DAGLB: variants seen among roughly 807,000 people sequenced by gnomAD.
The protein encoded by DAGLB is diacylglycerol lipase beta, also known as diacylglycerol lipase-beta.
A neutral mutation model predicts 72.1 loss-of-function variants in DAGLB; 66 were observed. The ratio of observed to expected loss-of-function variants is 0.92; its 90% CI spans 0.75 to 1.12. DAGLB has a LOEUF of 1.12. Ranked by LOEUF, DAGLB falls within the 50% of genes most tolerant of loss-of-function variation. The probability of loss-of-function intolerance (pLI) is 0.00; values close to 1 mark genes in which losing one functional copy is unlikely to be tolerated. For synonymous variants in DAGLB, 414 were observed against 359.5 expected, an observed-to-expected ratio of 1.15 and a Z score of -1.71; for missense variants, 1,065 against 884.9, an observed-to-expected ratio of 1.20 and a Z score of -2.58.
At chr7:6,433,009 C>G (rs777905146) in intron 4 of DAGLB, 50 bp from the exon 5 acceptor site, 4 of 1,586,184 alleles carry the variant, frequency 2.5e-6, no homozygotes, top group Non-Finnish European at 3.4e-6. Context: ...AGGCACCACC[C>G]CCGGGTTCCC....
intron 2 of DAGLB, among the ~76,000 whole-genome samples, chr7:6,443,212 A>C (rs911247316): frequency 1.3e-5 from 2 of 149,078 alleles, no homozygotes; most frequent in Non-Finnish European, 3.0e-5. Context: ...AAAAACAAAA[A>C]AAACAAAACA....
At chr7:6,414,484 TG>T (rs1269052199) in intron 11 of DAGLB, among the ~76,000 whole-genome samples, 1 of 151,428 alleles carries the variant, frequency 6.6e-6, no homozygotes, top group African/African-American at 2.4e-5. Context: ...AGCTAATTTT[TG>T]TAAGGAACCG....
Position 6,410,185 on chromosome 7 carries a change from G to A in DAGLB, c.1765C>T (p.Pro589Ser), listed in dbSNP as rs149455276. ...SPLDSSPKYP[P>S]LYPPGRIIHL... ...ATGATCCTGCCGGGAGGGTAGAGAG[G>A]GGGGTACTTGGGAGAAGAGTCCAGT... Residue 589 changes from proline (P) to serine (S), a missense_variant, in exon 14 of 15, where the codon CCT (proline) becomes TCT (serine). Transcript: ENST00000297056. 4.1e-5 allele frequency: 65 copies of A among 1,596,300 alleles called. No individual in the cohort carries two copies. The highest frequency in any genetic ancestry group is 5.1e-5 in the Non-Finnish European group (60 of 1,169,096).
chr7:6,411,260 C>A (rs567491218), intron 13 of DAGLB, among the ~76,000 whole-genome samples: 1 of 151,524 alleles, frequency 6.6e-6, no homozygotes, highest in Non-Finnish European at 1.5e-5. Context: ...CCACCCACCT[C>A]AGCCTCCCAA....
At position 6,436,437 on chromosome 7, in the gene DAGLB, C is replaced by A. The variant is rs747222768; in HGVS notation, c.344G>T (p.Gly115Val). ...AACACCATCTGCCACCCAGGCAGCC[C>A]CCAGAGAGGCCCAGACCATCTCTGG... ...FFPEMVWASLGAAWVADGVQC... is the reference protein window; with the variant it reads ...FFPEMVWASLVAAWVADGVQC... The change falls in exon 3 of 15, where the codon GGG (glycine) becomes GTG (valine). Residue 115 changes from glycine (G) to valine (V), a missense_variant. Coordinates refer to ENST00000297056, the MANE Select transcript of DAGLB (RefSeq NM_139179.4). The A allele has an allele frequency of 1.1e-5, 17 of 1,613,986 alleles. No individual in the cohort carries two copies. The highest frequency in any genetic ancestry group is 1.4e-5 in the Non-Finnish European group (17 of 1,180,018).
Position 6,409,672 on chromosome 7 carries a change from C to A in DAGLB, c.*165G>T. 1.2e-6 allele frequency: 1 copy of A among 833,366 alleles called. No homozygotes were observed. Among genetic ancestry groups the A allele is most frequent in the Non-Finnish European group, 1.8e-6 (1 of 546,608 alleles). The allele number at this position is 833,366 out of a possible 1,614,324, so 51.6% of individuals were successfully genotyped here. A position where few individuals can be genotyped will look rare whatever the true frequency, so the allele number is the denominator to read the frequency against. On this transcript the variant is annotated 3_prime_UTR_variant, in exon 15 of 15. Coordinates refer to ENST00000297056, the MANE Select transcript of DAGLB (RefSeq NM_139179.4). ...TCTGCTACCATTATGGCCACAATGA[C>A]TTCCCATAAACTTAAGTCATTGAGA...
At chr7:6,420,128 C>G (rs1784063073) in intron 9 of DAGLB, among the ~76,000 whole-genome samples, 1 of 152,008 alleles carries the variant, frequency 6.6e-6, no homozygotes, top group African/African-American at 2.4e-5. Context: ...GCCTGGGTGA[C>G]AGAACAAGAC....
At chr7:6,430,137 G>A (rs572433556) in intron 6 of DAGLB, among the ~76,000 whole-genome samples, 270 of 151,436 alleles carry the variant, frequency 1.8e-3, no homozygotes, top group African/African-American at 6.3e-3. Context: ...CCTGGGAGAC[G>A]GAGGTTGTGG....
rs1783648552 is a variant in DAGLB, at chr7:6,409,617, T to G, written c.*220A>C. Reference sequence around the variant, plus strand: ...CTCCACGGTCGCTGGGTCTCAGGAGTCGTCCTATCACCTGAGCGTGCTCAC... The same window carrying G: ...CTCCACGGTCGCTGGGTCTCAGGAGGCGTCCTATCACCTGAGCGTGCTCAC... On this transcript the variant is annotated 3_prime_UTR_variant, in exon 15 of 15. Transcript: ENST00000297056. 6.8e-6 allele frequency: 4 copies of G among 589,772 alleles called. No individual in the cohort carries two copies. The highest frequency in any genetic ancestry group is 3.0e-5 in the East Asian group (1 of 33,494). 36.5% of individuals were successfully genotyped at this position (589,772 alleles called of 1,614,324 possible). A position where few individuals can be genotyped will look rare whatever the true frequency, so the allele number is the denominator to read the frequency against.
intron 6 of DAGLB, among the ~76,000 whole-genome samples, chr7:6,428,451 C>CA (rs1213540113): frequency 8.6e-5 from 13 of 150,824 alleles, no homozygotes; most frequent in African/African-American, 3.2e-4. Context: ...AGGGATAGGA[C>CA]ATTTACTTAC....
At position 6,421,335 on chromosome 7, in the gene DAGLB, C is replaced by T. The variant is rs1236741096; in HGVS notation, c.1218+392G>A. Among the ~76,000 whole-genome samples the T allele has an allele frequency of 3.4e-5, 5 of 144,996 alleles. No homozygotes were observed. In the South Asian group the frequency reaches 9.0e-4, roughly 26 times the overall value. ...GGCAGCGCGGGAGGCGCAGGCAGCG[C>T]GGGAGGCGCAGGCAGCGCGGGAGGC... is the stretch of plus-strand genomic sequence containing the variant. On this transcript the variant is annotated intron_variant, in intron 9 of 14. Coordinates refer to ENST00000297056, the MANE Select transcript of DAGLB (RefSeq NM_139179.4).
chr7:6,441,425 T>C (rs1324450758), intron 2 of DAGLB, among the ~76,000 whole-genome samples: 3 of 142,550 alleles, frequency 2.1e-5, no homozygotes. Flanking sequence ...TTTTTTCTTT[T>C]TTTTTTTTTT....
chr7:6,432,859 C>G lies in DAGLB; in HGVS notation c.779G>C (p.Cys260Ser). The G allele has an allele frequency of 1.9e-6, 3 of 1,613,792 alleles. No individual in the cohort carries two copies. Among genetic ancestry groups the G allele is most frequent in the Non-Finnish European group, 2.5e-6 (3 of 1,179,976 alleles). ...CACCTGGGAGCTCCCTGGGGCATGG[C>G]AGACCACCTGGGCAGGCTCTTGGTT... is the stretch of plus-strand genomic sequence containing the variant. The part of the protein sequence containing the change: ...RNNQEPAQVV[C>S]HAPGSSQEAD... The change falls in exon 5 of 15, where the codon TGC becomes TCC. Residue 260 changes from cysteine to serine, a missense_variant. By Grantham distance (112) the Cys-to-Ser change is moderately radical. Transcript: ENST00000297056.
intron 2 of DAGLB, among the ~76,000 whole-genome samples, chr7:6,444,192 G>A (rs1784923865): frequency 6.6e-6 from 1 of 152,152 alleles, no homozygotes; most frequent in Non-Finnish European, 1.5e-5. Flanking sequence ...AGGATTGCTT[G>A]AGCCCAGGTA....
At chr7:6,438,533 C>A (rs947338330) in intron 2 of DAGLB, among the ~76,000 whole-genome samples, 2 of 151,210 alleles carry the variant, frequency 1.3e-5, no homozygotes, top group Admixed American at 1.3e-4. Context: ...CTTGTTATAA[C>A]AATAGCCAAA....
chr7:6,446,472 C>T (rs1470643471), intron 1 of DAGLB, among the ~76,000 whole-genome samples: 3 of 72,344 alleles, frequency 4.1e-5, no homozygotes, highest in African/African-American at 1.7e-4. Context: ...TATGAGACTC[C>T]GTCTCAAAAA....
At position 6,425,565 on chromosome 7, in the gene DAGLB, C is replaced by T. The variant is rs541775953; in HGVS notation, c.1056+423G>A. Among the ~76,000 whole-genome samples, 173 of 152,242 alleles carry T rather than the reference C, an allele frequency of 1.1e-3. 1 individual carries two copies. Among genetic ancestry groups the T allele is most frequent in the African/African-American group, 3.9e-3 (160 of 41,540 alleles). Reference sequence around the variant, plus strand: ...GATTACAGGCGTGAGCCACTGTGCCCGGCCCACAGCTGGCTTTTGCAGCTT... The same window carrying T: ...GATTACAGGCGTGAGCCACTGTGCCTGGCCCACAGCTGGCTTTTGCAGCTT... On this transcript the variant is annotated intron_variant, in intron 7 of 14. Transcript: ENST00000297056.
chr7:6,435,477 T>C, intron 3 of DAGLB: 1 of 149,598 alleles, frequency 6.7e-6, no homozygotes, highest in Admixed American at 6.6e-5. Context: ...AGAGGGAGAC[T>C]CCGTCTCAAA....
At position 6,421,765 on chromosome 7, in the gene DAGLB, C is replaced by A. The variant is rs1221021685; in HGVS notation, c.1180G>T (p.Asp394Tyr). The change falls in exon 9 of 15, where the codon GAC becomes TAC. Residue 394 changes from aspartate to tyrosine, a missense_variant. Physicochemically the swap from Asp to Tyr is radical, Grantham distance 160. Transcript: ENST00000297056. ...TDLSAESEVL[D>Y]VECEVQDRLA... ...CGGTCCTGCACCTCACACTCCACGT[C>A]CAGCACCTCACTCTCCGCTGACAGG... 6.2e-7 allele frequency: 1 copy of A among 1,613,410 alleles called. No homozygotes were observed. The highest frequency in any genetic ancestry group is 1.7e-5 in the Admixed American group (1 of 60,006).
Sources: gnomAD v4.1 joint callset for allele counts (sites outside exome capture counted in the v4.1 genomes callset) on GRCh38, gnomAD v4.1.1 for gene constraint, MANE v1.5 for transcripts, NCBI Gene and HGNC (gene_info 2026-07-23, HGNC 2026-07-21) for gene names.